Variants in AQR observed in about 807,000 individuals in gnomAD.
AQR encodes the protein RNA helicase aquarius.
AQR carries 61 observed loss-of-function variants against 180.5 expected under a neutral mutation model. The observed-to-expected ratio is 0.34, with a 90% CI of 0.28 to 0.42. AQR has a LOEUF of 0.42. AQR is among the 10% of genes least tolerant of loss of function. The probability of loss-of-function intolerance (pLI) is 1.00; values close to 1 mark genes in which losing one functional copy is unlikely to be tolerated. For synonymous variants in AQR, 551 were observed against 588.8 expected (o/e 0.94, Z 0.93); for missense variants, 1,281 against 1,798.3 (o/e 0.71, Z 5.20).
intron 13 of AQR, among the ~76,000 whole-genome samples, chr15:34,920,836 T>C (rs1294528879): frequency 6.6e-6 from 1 of 152,060 alleles, no homozygotes; most frequent in Non-Finnish European, 1.5e-5. Flanking sequence ...CGGGCGCCTG[T>C]AGTCCCAGCT....
Position 34,870,844 on chromosome 15 carries a change from T to C in AQR, c.3676A>G (p.Ile1226Val), listed in dbSNP as rs1367972655. 2 of 1,613,514 alleles carry C rather than the reference T, an allele frequency of 1.2e-6. No individual in the cohort carries two copies. Among genetic ancestry groups the C allele is most frequent in the South Asian group, 2.2e-5 (2 of 91,054 alleles). The change falls in exon 31 of 35, where the codon ATT becomes GTT. Residue 1226 changes from isoleucine to valine, a missense_variant. Physicochemically the swap from Ile to Val is conservative, Grantham distance 29. Around this residue, in one of 9 missense-constraint regions of AQR, gnomAD observed 197 missense variants for 320.7 expected, o/e 0.61. Coordinates refer to ENST00000156471, the MANE Select transcript of AQR (RefSeq NM_014691.3). ...LLGYPADKISILTTYNGQKHL... is the reference protein window; with the variant it reads ...LLGYPADKISVLTTYNGQKHL... The stretch of plus-strand genomic sequence containing the variant: ...TTTTGGCCATTATATGTTGTTAGAA[T>C]ACTGATTTTGTCAGCAGGGTAACCA...
intron 17 of AQR, among the ~76,000 whole-genome samples, chr15:34,908,092 T>C (rs569069786): frequency 1.3e-5 from 2 of 152,316 alleles, no homozygotes; most frequent in African/African-American, 4.8e-5. Context: ...GGTTCACACC[T>C]TTTCAAAGGG....
At chr15:34,878,901 G>A (rs531269434) in intron 27 of AQR, among the ~76,000 whole-genome samples, 7 of 151,976 alleles carry the variant, frequency 4.6e-5, no homozygotes, top group South Asian at 2.1e-4. Context: ...GGTGGCGGGT[G>A]CCTGTAATCC....
chr15:34,925,766 G>A (rs2140488969), intron 13 of AQR, among the ~76,000 whole-genome samples: 1 of 152,136 alleles, frequency 6.6e-6, no homozygotes, highest in East Asian at 1.9e-4. Context: ...CCAGGAGGCA[G>A]AGGTTGCAGT....
chr15:34,952,851 A>C, intron 4 of AQR, 34 bp downstream of exon 4: 1 of 1,401,346 alleles, frequency 7.1e-7, no homozygotes, highest in African/African-American at 1.4e-5. Flanking sequence ...AAATCACATT[A>C]TCTCTTTCAT....
chr15:34,873,797 A>G, intron 30 of AQR, 31 bp downstream of exon 30: 1 of 1,508,700 alleles, frequency 6.6e-7, no homozygotes, highest in Non-Finnish European at 8.9e-7. Flanking sequence ...CAAATGCAAA[A>G]TAAACTTATA....
At chr15:34,942,932 A>G in intron 6 of AQR, 2 of 904,720 alleles carry the variant, frequency 2.2e-6, no homozygotes, top group Non-Finnish European at 3.3e-6. Context: ...TAAGTTGGCT[A>G]AAACTATCAC....
intron 31 of AQR, chr15:34,868,916 T>C (rs1892776527): frequency 6.6e-6 from 1 of 151,430 alleles, no homozygotes; most frequent in African/African-American, 2.5e-5. Flanking sequence ...AGTTGGCCTG[T>C]TTCTAGTTTG....
intron 7 of AQR, 109 bp from the exon 8 acceptor site, chr15:34,941,108 A>G (rs898364240): frequency 1.9e-5 from 12 of 634,498 alleles, no homozygotes; most frequent in Non-Finnish European, 3.1e-5. Flanking sequence ...AAATAGAGCA[A>G]TCTGATAAAA....
intron 20 of AQR, among the ~76,000 whole-genome samples, chr15:34,899,678 A>T (rs185956238): frequency 2.7e-4 from 40 of 148,252 alleles, no homozygotes; most frequent in African/African-American, 8.6e-4. Flanking sequence ...GCCTATTATT[A>T]TATATATATA....
chr15:34,921,834 C>T (rs115665940), intron 13 of AQR, among the ~76,000 whole-genome samples: 2,740 of 151,944 alleles, frequency 0.018, 75 homozygotes, highest in African/African-American at 0.058. Context: ...TTTTTTGAGA[C>T]GAGTCTCACT....
At chr15:34,922,067 C>G (rs1334329993) in intron 13 of AQR, among the ~76,000 whole-genome samples, 3 of 152,200 alleles carry the variant, frequency 2.0e-5, no homozygotes, top group Non-Finnish European at 4.4e-5. Context: ...CTGCCTTGGC[C>G]TCCCAAAGTG....
At chr15:34,925,764 C>G (rs948517831) in intron 13 of AQR, among the ~76,000 whole-genome samples, 41 of 151,706 alleles carry the variant, frequency 2.7e-4, no homozygotes, top group African/African-American at 9.7e-4. Flanking sequence ...ACCCAGGAGG[C>G]AGAGGTTGCA....
At position 34,938,730 on chromosome 15, in the gene AQR, A is replaced by AAAAT; in HGVS notation, c.718+6_718+7insATTT. Reference sequence around the variant, plus strand: ...TTCACAAATGCACTGAGTAAAAAAGAAGATACCAGAAAGTGGGACTGATTT... The same window carrying AAAAT: ...TTCACAAATGCACTGAGTAAAAAAGAAAATAGATACCAGAAAGTGGGACTGATTT... On this transcript the variant is annotated splice_region_variant and intron_variant, in intron 9 of 34. Transcript: ENST00000156471. 7.2e-7 allele frequency: 1 copy of AAAAT among 1,388,154 alleles called. No individual in the cohort carries two copies. Among genetic ancestry groups the AAAAT allele is most frequent in the Non-Finnish European group, 9.7e-7 (1 of 1,026,648 alleles). 86.0% of individuals were successfully genotyped at this position (1,388,154 alleles called of 1,614,324 possible). A position where few individuals can be genotyped will look rare whatever the true frequency, so the allele number is the denominator to read the frequency against.
chr15:34,876,077 C>CA (rs35604928), intron 27 of AQR, 71 bp from the exon 28 acceptor site: 17 of 1,083,602 alleles, frequency 1.6e-5, no homozygotes, highest in East Asian at 9.5e-5. Flanking sequence ...ACATAATCAT[C>CA]AAAAAAACCC....
At chr15:34,920,140 A>G (rs1458329405) in intron 14 of AQR, among the ~76,000 whole-genome samples, 192 bp downstream of exon 14, 1 of 152,210 alleles carries the variant, frequency 6.6e-6, no homozygotes, top group Admixed American at 6.5e-5. Flanking sequence ...CGAAGAGATA[A>G]AATACTTGAG....
chr15:34,878,348 T>G (rs1892915943), intron 27 of AQR, among the ~76,000 whole-genome samples: 1 of 131,908 alleles, frequency 7.6e-6, no homozygotes, highest in Non-Finnish European at 1.5e-5. Flanking sequence ...ATCACGCCAT[T>G]GCACTCCAGC....
At position 34,942,002 on chromosome 15, in the gene AQR, A is replaced by G; in HGVS notation, c.540+10T>C. On this transcript the variant is annotated intron_variant, in intron 7 of 34. Coordinates refer to ENST00000156471, the MANE Select transcript of AQR (RefSeq NM_014691.3). ...CATACATTCATAAGACTCTGAAATT[A>G]GAGACTTACCAGCTGTAAGCCCATC... The G allele has an allele frequency of 6.2e-7, 1 of 1,602,342 alleles. No individual in the cohort carries two copies.
chr15:34,968,589 A>G (rs1022718223), intron 1 of AQR, among the ~76,000 whole-genome samples: 1 of 152,198 alleles, frequency 6.6e-6, no homozygotes, highest in Non-Finnish European at 1.5e-5. Context: ...GGCAAGTGAT[A>G]TGATGAGATT....
Sources: allele counts gnomAD v4.1 joint callset (sites outside exome capture counted in the v4.1 genomes callset), GRCh38; gene constraint gnomAD v4.1.1; regional missense constraint gnomAD v4.1.1; transcripts MANE v1.5; gene names NCBI Gene and HGNC (gene_info 2026-07-23, HGNC 2026-07-21).